The following NTM variants were observed in gnomAD, a reference collection of about 807,000 sequenced individuals.
NTM encodes neurotrimin.
A neutral mutation model predicts 42.1 loss-of-function variants in NTM; 13 were observed. The observed-to-expected ratio is 0.31, with a 90% CI of 0.20 to 0.49. NTM has a LOEUF of 0.49. Ranked by LOEUF, NTM falls within the 20% of genes least tolerant of loss-of-function variation. The pLI is 0.99. For missense variants in NTM, 373 were observed against 452.8 expected, an observed-to-expected ratio of 0.82 and a Z score of 1.60; for synonymous variants, 187 against 179.2, an observed-to-expected ratio of 1.04 and a Z score of -0.35.
intron 2 of NTM, among the ~76,000 whole-genome samples, chr11:132,034,330 C>T (rs1370765787): frequency 1.3e-5 from 2 of 152,174 alleles, no homozygotes; most frequent in African/African-American, 2.4e-5. Context: ...AGGCACTACC[C>T]GTCCTGGATT....
intron 1 of NTM, among the ~76,000 whole-genome samples, chr11:131,513,067 A>T (rs2048457899): frequency 6.6e-6 from 1 of 152,146 alleles, no homozygotes; most frequent in African/African-American, 2.4e-5. Context: ...TCAGCCTGTG[A>T]CACTGCATCC....
chr11:131,750,655 C>G (rs1358144663), intron 1 of NTM, among the ~76,000 whole-genome samples: 5 of 152,174 alleles, frequency 3.3e-5, no homozygotes. Context: ...CCACCACAGC[C>G]CACCACTTGG....
chr11:132,050,797 C>T lies in NTM; in HGVS notation c.168-95485C>T, dbSNP rs532109180. On this transcript the variant is annotated intron_variant, in intron 2 of 8. Coordinates refer to ENST00000683400, the MANE Select transcript of NTM (RefSeq NM_001352005.2). ...AGTGTGTCGAGAGCAGAGGCAGAGGCGGAGCTTGCAGGGCTGGCTGGTGTC... is the reference window on the plus strand; with the variant it reads ...AGTGTGTCGAGAGCAGAGGCAGAGGTGGAGCTTGCAGGGCTGGCTGGTGTC... Among the ~76,000 whole-genome samples the T allele has an allele frequency of 2.6e-5, 4 of 152,314 alleles. No individual in the cohort carries two copies. The South Asian group carries it at 6.2e-4, about 24-fold the overall frequency.
At chr11:131,429,402 G>C (rs535108123) in intron 1 of NTM, among the ~76,000 whole-genome samples, 1 of 152,242 alleles carries the variant, frequency 6.6e-6, no homozygotes, top group South Asian at 2.1e-4. Flanking sequence ...ACTCTACCAG[G>C]TTGTTGCGAG....
At chr11:132,106,453 G>T (rs1426434567) in intron 2 of NTM, among the ~76,000 whole-genome samples, 1 of 152,210 alleles carries the variant, frequency 6.6e-6, no homozygotes, top group African/African-American at 2.4e-5. Context: ...GATTAAAATG[G>T]TCAAACTCTC....
intron 1 of NTM, among the ~76,000 whole-genome samples, chr11:131,432,829 A>G (rs1197452616): frequency 8.0e-6 from 1 of 125,308 alleles, no homozygotes; most frequent in African/African-American, 3.0e-5. Context: ...AAAGATGAAG[A>G]TTTAGCATTC....
At chr11:131,833,569 T>C (rs2043095913) in intron 1 of NTM, among the ~76,000 whole-genome samples, 1 of 152,186 alleles carries the variant, frequency 6.6e-6, no homozygotes, top group Admixed American at 6.5e-5. Flanking sequence ...AGCTCACACA[T>C]GAGTCAGGAC....
intron 3 of NTM, among the ~76,000 whole-genome samples, chr11:132,168,124 T>A (rs906016750): frequency 1.3e-5 from 2 of 152,188 alleles, no homozygotes; most frequent in African/African-American, 4.8e-5. Flanking sequence ...CAATTGGCAT[T>A]CCTACTAAGT....
chr11:131,538,976 A>G (rs1027422293), intron 1 of NTM: 1 of 117,246 alleles, frequency 8.5e-6, no homozygotes, highest in African/African-American at 3.1e-5. Context: ...TCTGTTTCCC[A>G]GGCTGGAGTG....
intron 1 of NTM, among the ~76,000 whole-genome samples, chr11:131,692,753 A>G (rs2074945077): frequency 6.6e-6 from 1 of 152,064 alleles, no homozygotes. Flanking sequence ...AAACCAAATC[A>G]CCCAAACCTC....
At chr11:131,780,334 G>A (rs2087840188) in intron 1 of NTM, among the ~76,000 whole-genome samples, 2 of 152,164 alleles carry the variant, frequency 1.3e-5, no homozygotes, top group South Asian at 2.1e-4. Flanking sequence ...GTGAACGATA[G>A]ACGAGACGAC....
intron 1 of NTM, among the ~76,000 whole-genome samples, chr11:131,510,864 C>T (rs913498357): frequency 2.6e-4 from 39 of 152,284 alleles, no homozygotes; most frequent in African/African-American, 8.9e-4. Flanking sequence ...TGGGTCTGCA[C>T]GGCCCCCTGG....
intron 1 of NTM, among the ~76,000 whole-genome samples, chr11:131,735,589 C>T (rs947449778): frequency 1.3e-5 from 2 of 152,104 alleles, no homozygotes; most frequent in East Asian, 1.9e-4. Flanking sequence ...ACATATGCCC[C>T]GACAAAGTGT....
At chr11:132,330,089 G>A (rs2095769457) in intron 7 of NTM, 64 bp from the exon 8 acceptor site, 24 of 1,546,236 alleles carry the variant, frequency 1.6e-5, no homozygotes, top group Non-Finnish European at 2.0e-5. Flanking sequence ...AATCATCTGA[G>A]GGCAAAGTGA....
rs76125268 is a variant in NTM at position 131,930,294 on chromosome 11, G to A, written c.167+18646G>A. Among the ~76,000 whole-genome samples the A allele has an allele frequency of 9.1e-3, 1,385 of 152,294 alleles. 22 individuals carry two copies. The highest frequency in any genetic ancestry group is 0.031 in the African/African-American group (1,306 of 41,560). The stretch of plus-strand genomic sequence containing the variant: ...GTGGCCATATATGGTTTGAGCAGGT[G>A]GGCAGAGGAAGAATGCAGGGTACTT... On this transcript the variant is annotated intron_variant, in intron 2 of 8. Coordinates refer to ENST00000683400, the MANE Select transcript of NTM (RefSeq NM_001352005.2).
chr11:132,022,886 A>G (rs1182811935), intron 2 of NTM, among the ~76,000 whole-genome samples: 1 of 152,218 alleles, frequency 6.6e-6, no homozygotes, highest in Admixed American at 6.5e-5. Flanking sequence ...AACATGTGAT[A>G]AAAATGCTCC....
chr11:131,860,035 G>T (rs1435004760), intron 1 of NTM, among the ~76,000 whole-genome samples: 1 of 152,152 alleles, frequency 6.6e-6, no homozygotes, highest in Non-Finnish European at 1.5e-5. Flanking sequence ...AGAGTCTGCT[G>T]AGTGCAGAGA....
chr11:131,884,315 A>G (rs1218050539), intron 1 of NTM, among the ~76,000 whole-genome samples: 1 of 152,172 alleles, frequency 6.6e-6, no homozygotes, highest in Admixed American at 6.5e-5. Context: ...AGGCTGAGGC[A>G]GGAGAATCAT....
intron 2 of NTM, among the ~76,000 whole-genome samples, chr11:132,069,143 C>T (rs1319728530): frequency 2.7e-5 from 4 of 148,258 alleles, no homozygotes; most frequent in Admixed American, 1.4e-4. Context: ...AGCCAAAACA[C>T]GTCAAACTGA....
Sources: gnomAD v4.1 joint callset for allele counts (sites outside exome capture counted in the v4.1 genomes callset) on GRCh38, gnomAD v4.1.1 for gene constraint, MANE v1.5 for transcripts, NCBI Gene and HGNC (gene_info 2026-07-23, HGNC 2026-07-21) for gene names.